The following WDR27 variants were observed in gnomAD, a reference collection of about 807,000 sequenced individuals.
WDR27 encodes WD repeat-containing protein 27.
In WDR27, 100 loss-of-function variants were observed where a neutral mutation model predicts 114.4. The ratio of observed to expected loss-of-function variants is 0.87; its 90% CI spans 0.74 to 1.03. The LOEUF (loss-of-function observed/expected upper bound fraction) is 1.03. WDR27 is among the 50% of genes least tolerant of loss of function. The probability of loss-of-function intolerance (pLI) is 0.00; values close to 1 mark genes in which losing one functional copy is unlikely to be tolerated. For missense variants in WDR27, 1,129 were observed against 1,092.9 expected (o/e 1.03, Z -0.47); for synonymous variants, 449 against 423.1 (o/e 1.06, Z -0.75).
At chr6:169,647,373 C>A (rs1048521648) in intron 16 of WDR27, among the ~76,000 whole-genome samples, 1 of 152,254 alleles carries the variant, frequency 6.6e-6, no homozygotes, top group Admixed American at 6.5e-5. Flanking sequence ...TCCAGCCCAT[C>A]CATGAGCAGA....
chr6:169,453,270 C>G (rs1784229400), downstream of WDR27, among the ~76,000 whole-genome samples: 1 of 152,148 alleles, frequency 6.6e-6, no homozygotes, highest in Non-Finnish European at 1.5e-5. Flanking sequence ...CTCCCCAGAG[C>G]ATACATGTGG....
intron 7 of WDR27, 125 bp downstream of exon 7, chr6:169,665,361 C>T: frequency 6.9e-7 from 1 of 1,444,912 alleles, no homozygotes. Flanking sequence ...GTTCTCAGCA[C>T]TGAGGTGGAC....
intron 5 of WDR27, chr6:169,667,513 A>C (rs1440049842): frequency 2.5e-6 from 1 of 392,620 alleles, no homozygotes; most frequent in African/African-American, 2.2e-5. Context: ...AAACTGTAGC[A>C]GTCTACACCC....
chr6:169,532,440 T>G (rs187781621), intron 25 of WDR27, among the ~76,000 whole-genome samples: 11 of 152,270 alleles, frequency 7.2e-5, no homozygotes, highest in Admixed American at 7.2e-4. Flanking sequence ...AACAAATTAT[T>G]GAATAAAGAT....
At chr6:169,692,463 C>G (rs1784765095) in intron 1 of WDR27, among the ~76,000 whole-genome samples, 1 of 152,080 alleles carries the variant, frequency 6.6e-6, no homozygotes, top group South Asian at 2.1e-4. Context: ...GACCTGAAAG[C>G]CAGCCATGCT....
At chr6:169,502,962 G>C (rs1791530735) in intron 25 of WDR27, among the ~76,000 whole-genome samples, 1 of 152,188 alleles carries the variant, frequency 6.6e-6, no homozygotes, top group Non-Finnish European at 1.5e-5. Context: ...GTCCATGAAA[G>C]TACTGGCAGC....
intron 21 of WDR27, among the ~76,000 whole-genome samples, chr6:169,626,762 C>T (rs977015677): frequency 6.6e-6 from 1 of 152,224 alleles, no homozygotes; most frequent in Admixed American, 6.5e-5. Flanking sequence ...TCACCCTTCA[C>T]AGCAGTGGTT....
At chr6:169,683,363 T>C (rs1316942944) in intron 2 of WDR27, among the ~76,000 whole-genome samples, 1 of 151,868 alleles carries the variant, frequency 6.6e-6, no homozygotes, top group East Asian at 1.9e-4. Context: ...CAGCAGACTG[T>C]TCAGCAAAAA....
At chr6:169,602,731 G>C (rs774135430) in intron 22 of WDR27, among the ~76,000 whole-genome samples, 2 of 151,922 alleles carry the variant, frequency 1.3e-5, no homozygotes, top group Non-Finnish European at 2.9e-5. Flanking sequence ...TATTTAAAAA[G>C]TGCCATATAA....
chr6:169,542,612 A>G (rs1796965455), intron 25 of WDR27, among the ~76,000 whole-genome samples: 1 of 152,124 alleles, frequency 6.6e-6, no homozygotes, highest in Non-Finnish European at 1.5e-5. Context: ...ACTGTAGAGT[A>G]GATAAATAGA....
At chr6:169,517,570 T>C (rs1357505075) in intron 25 of WDR27, among the ~76,000 whole-genome samples, 3 of 152,232 alleles carry the variant, frequency 2.0e-5, no homozygotes, top group African/African-American at 7.2e-5. Context: ...TTTACCTATT[T>C]AGTTACCTTT....
At chr6:169,510,435 GGA>G (rs1317330392) in intron 25 of WDR27, among the ~76,000 whole-genome samples, 1 of 151,978 alleles carries the variant, frequency 6.6e-6, no homozygotes, top group Non-Finnish European at 1.5e-5. Context: ...TATACACCAT[GGA>G]ATACTATGCA....
chr6:169,607,131 T>C (rs1289920602), intron 22 of WDR27, among the ~76,000 whole-genome samples: 1 of 152,128 alleles, frequency 6.6e-6, no homozygotes, highest in Non-Finnish European at 1.5e-5. Context: ...GTTTATACAA[T>C]GCTGATGGGA....
At chr6:169,429,973 T>A in the WDR27 span, among the ~76,000 whole-genome samples, 1 of 152,214 alleles carries the variant, frequency 6.6e-6, no homozygotes, top group African/African-American at 2.4e-5. Flanking sequence ...GTGATTTCCC[T>A]TCGAGTTGTG....
At chr6:169,472,345 T>C (rs1786536182) in intron 25 of WDR27, among the ~76,000 whole-genome samples, 1 of 152,196 alleles carries the variant, frequency 6.6e-6, no homozygotes, top group South Asian at 2.1e-4. Context: ...AGACCTTTTA[T>C]TACTTGGTTA....
At chr6:169,644,722 A>T (rs1429182484) in intron 16 of WDR27, among the ~76,000 whole-genome samples, 1 of 121,296 alleles carries the variant, frequency 8.2e-6, no homozygotes, top group African/African-American at 3.8e-5. Context: ...ACTGTAGAAA[A>T]TCCTAGGCCG....
At chr6:169,616,383 G>C (rs1811831336) in intron 21 of WDR27, among the ~76,000 whole-genome samples, 1 of 152,134 alleles carries the variant, frequency 6.6e-6, no homozygotes, top group Admixed American at 6.5e-5. Context: ...AGCTACTCAG[G>C]AGGCTGAGGC....
intron 25 of WDR27, among the ~76,000 whole-genome samples, chr6:169,557,773 T>C (rs1345409200): frequency 6.6e-6 from 1 of 152,016 alleles, no homozygotes; most frequent in East Asian, 1.9e-4. Flanking sequence ...TTTTTTTCAA[T>C]AAAAATAAAA....
chr6:169,686,082 A>G (rs1452677658), intron 2 of WDR27, among the ~76,000 whole-genome samples: 2 of 152,212 alleles, frequency 1.3e-5, no homozygotes, highest in East Asian at 3.8e-4. Context: ...CCAGCCAAGA[A>G]TATTATACCC....
Sources: gnomAD v4.1 joint callset for allele counts (sites outside exome capture counted in the v4.1 genomes callset) on GRCh38, gnomAD v4.1.1 for gene constraint, MANE v1.5 for transcripts, NCBI Gene and HGNC (gene_info 2026-07-23, HGNC 2026-07-21) for gene names.